Variants in DAGLB observed in about 807,000 individuals in gnomAD.
DAGLB encodes the protein diacylglycerol lipase-beta.
In DAGLB, 66 loss-of-function variants were observed where a neutral mutation model predicts 72.1. That is an observed-to-expected ratio of 0.92 (90% CI 0.75 to 1.12). The LOEUF is 1.12. DAGLB is among the 50% of genes most tolerant of loss of function. DAGLB has a pLI of 0.00. For missense variants in DAGLB, 1,065 were observed against 884.9 expected (o/e 1.20, Z -2.58); for synonymous variants, 414 against 359.5 (o/e 1.15, Z -1.71).
rs1783645839 is a variant in DAGLB at position 6,409,544 on chromosome 7, TCAGA to T, written c.*289_*292del. ...GATTCCCGCACTTCTGGAGCAGTCC[TCAGA>T]CAGCCAAGGGATCCATCCACGGGCC... On this transcript the variant is annotated 3_prime_UTR_variant, in exon 15 of 15. Transcript: ENST00000297056. 2.1e-6 allele frequency: 1 copy of T among 466,320 alleles called. No homozygotes were observed. Among genetic ancestry groups the T allele is most frequent in the East Asian group, 4.1e-5 (1 of 24,620 alleles). The allele number at this position is 466,320 out of a possible 1,614,324, so 28.9% of individuals were successfully genotyped here.
chr7:6,412,670 T>G, intron 13 of DAGLB, 141 bp downstream of exon 13: 1 of 943,058 alleles, frequency 1.1e-6, no homozygotes, highest in Admixed American at 2.2e-5. Context: ...TAGCCCAGAA[T>G]CTGATCAGAT....
Position 6,436,501 on chromosome 7 carries a change from T to C in DAGLB, c.280A>G (p.Met94Val), listed in dbSNP as rs367924632. 80 of 1,614,066 alleles carry C rather than the reference T, an allele frequency of 5.0e-5. No individual in the cohort carries two copies. Among genetic ancestry groups the C allele is most frequent in the Non-Finnish European group, 5.8e-5 (69 of 1,180,050 alleles). The change falls in exon 3 of 15, where the codon ATG becomes GTG. Residue 94 changes from methionine to valine, a missense_variant. Transcript: ENST00000297056. ...AGGCGGATGTAAAGCAGCTTAGACA[T>C]AGACTTCCGCGGTCCAGGGTTACAA... Reference protein sequence around the residue: ...TICNPGPRKSMSKLLYIRLAL... With the variant: ...TICNPGPRKSVSKLLYIRLAL...
intron 6 of DAGLB, among the ~76,000 whole-genome samples, chr7:6,428,761 A>T (rs1379383258): frequency 6.6e-6 from 1 of 152,144 alleles, no homozygotes; most frequent in Non-Finnish European, 1.5e-5. Flanking sequence ...TGCTGGGATT[A>T]TAGGCATGAG....
chr7:6,436,616 A>G lies in DAGLB; in HGVS notation c.248-83T>C, dbSNP rs2115285033. On this transcript the variant is annotated intron_variant, in intron 2 of 14. Coordinates refer to ENST00000297056, the MANE Select transcript of DAGLB (RefSeq NM_139179.4). ...CTTTTTGCAAAAATACAGCTTTTGC[A>G]GAGCATACATTTGTACTGTGCACAC... The G allele has an allele frequency of 1.9e-6, 3 of 1,580,418 alleles. No homozygotes were observed. In the South Asian group the frequency reaches 3.4e-5, roughly 18 times the overall value.
At chr7:6,433,765 G>A (rs1784565449) in intron 4 of DAGLB, among the ~76,000 whole-genome samples, 1 of 151,618 alleles carries the variant, frequency 6.6e-6, no homozygotes, top group Non-Finnish European at 1.5e-5. Context: ...GCTGAGGCAG[G>A]AGAATCTCTC....
At chr7:6,439,328 G>C (rs1430392408) in intron 2 of DAGLB, among the ~76,000 whole-genome samples, 1 of 151,804 alleles carries the variant, frequency 6.6e-6, no homozygotes, top group African/African-American at 2.4e-5. Flanking sequence ...ACAGATGCTA[G>C]TATGGACCTG....
chr7:6,413,059 T>A (rs1251464974), intron 11 of DAGLB, 25 bp from the exon 12 acceptor site: 2 of 1,608,612 alleles, frequency 1.2e-6, no homozygotes, highest in Admixed American at 1.7e-5. Flanking sequence ...AGAGAGAGGA[T>A]GTTAGCTTTA....
In DAGLB at chr7:6,434,777, G is replaced by C. The variant is rs757204352; in HGVS notation, c.663C>G (p.Phe221Leu). 63 of 1,614,162 alleles carry C rather than the reference G, an allele frequency of 3.9e-5. No individual in the cohort carries two copies. The Middle Eastern group carries it at 8.2e-4, about 21-fold the overall frequency. Residue 221 changes from phenylalanine to leucine, a missense_variant, in exon 4 of 15, where the codon TTC becomes TTG. Phe to Leu is a conservative substitution (Grantham distance 22). Coordinates refer to ENST00000297056, the MANE Select transcript of DAGLB (RefSeq NM_139179.4). ...RVAFSSTAELFSTYFSDTDLV... is the reference protein window; with the variant it reads ...RVAFSSTAELLSTYFSDTDLV... ...CTCGGCTTACTGAAAAGTAGGTTGA[G>C]AAAAGCTCTGCCGTACTCGAAAAAG...
chr7:6,441,376 C>T (rs1784826895), intron 2 of DAGLB, among the ~76,000 whole-genome samples: 1 of 151,356 alleles, frequency 6.6e-6, no homozygotes, highest in African/African-American at 2.4e-5. Flanking sequence ...CAGGCGTGAG[C>T]CACCGCGCCC....
intron 6 of DAGLB, among the ~76,000 whole-genome samples, chr7:6,428,557 A>C (rs1397451329): frequency 6.7e-6 from 1 of 149,372 alleles, no homozygotes; most frequent in Non-Finnish European, 1.5e-5. Context: ...TGTGATCTCC[A>C]CTCACTGCAA....
chr7:6,447,433 T>C (rs1029166652), intron 1 of DAGLB, among the ~76,000 whole-genome samples: 2 of 152,170 alleles, frequency 1.3e-5, no homozygotes, highest in Non-Finnish European at 2.9e-5. Flanking sequence ...AACACCCTCG[T>C]GGCACCCCAG....
Position 6,436,354 on chromosome 7 carries a change from G to C in DAGLB, c.419+8C>G. 1 of 1,601,380 alleles carries C rather than the reference G, an allele frequency of 6.2e-7. No individual in the cohort carries two copies. Among genetic ancestry groups the C allele is most frequent in the African/African-American group, 1.3e-5 (1 of 74,208 alleles). ...ACTGAAACTCAAAGAGAAGAAGGGA[G>C]ATGTCACCTGACCACGACGGTTGCG... On this transcript the variant is annotated splice_region_variant and intron_variant, in intron 3 of 14. Transcript: ENST00000297056.
Position 6,436,563 on chromosome 7 carries a change from A to G in DAGLB, c.248-30T>C, listed in dbSNP as rs780108970. On this transcript the variant is annotated intron_variant, in intron 2 of 14. Transcript: ENST00000297056. ...AATACAAAAAACGTTCCGACTGCTC[A>G]GTTGCTTCCTCAGAGATGAAGAGCT... The G allele has an allele frequency of 6.2e-6, 10 of 1,613,268 alleles. No homozygotes were observed. In the South Asian group the frequency reaches 6.6e-5, roughly 11 times the overall value.
At chr7:6,445,256 T>C (rs1412102908) in intron 2 of DAGLB, among the ~76,000 whole-genome samples, 1 of 152,136 alleles carries the variant, frequency 6.6e-6, no homozygotes, top group Non-Finnish European at 1.5e-5. Flanking sequence ...AAGGGATAAA[T>C]AAAATGTGGT....
chr7:6,422,183 G>A (rs1325896173), intron 8 of DAGLB: 2 of 360,978 alleles, frequency 5.5e-6, no homozygotes, highest in East Asian at 7.2e-5. Flanking sequence ...TGGAGAGGAG[G>A]AGGCCTAGAC....
At chr7:6,447,202 G>C (rs1175261047) in intron 1 of DAGLB, among the ~76,000 whole-genome samples, 5 of 152,272 alleles carry the variant, frequency 3.3e-5, no homozygotes, top group Middle Eastern at 6.8e-3. Flanking sequence ...ACAGACTTCA[G>C]GTACCAATGC....
Position 6,410,261 on chromosome 7 carries a change from C to T in DAGLB, c.1689G>A (p.Gln563=), listed in dbSNP as rs1165776577. Residue 563 remains glutamine (Q), a synonymous_variant, in exon 14 of 15, where the codon CAG becomes CAA. Transcript: ENST00000297056. ...CCGGGGACCAGCGCGTCAGTAGGCT[C>T]TGCTCCCCCAGAAGAGGCTGTGTCA... ...EVLTQPLLGE[Q]SLLTRWSPAY... is the part of the protein sequence containing the mutation. 1 of 1,613,624 alleles carries T rather than the reference C, an allele frequency of 6.2e-7. No individual in the cohort carries two copies. Among genetic ancestry groups the T allele is most frequent in the Non-Finnish European group, 8.5e-7 (1 of 1,179,806 alleles).
rs1308121983 is a variant in DAGLB at position 6,430,604 on chromosome 7, C to T, written c.805G>A (p.Ala269Thr). The T allele has an allele frequency of 6.3e-7, 1 of 1,591,804 alleles. No homozygotes were observed. The highest frequency in any genetic ancestry group is 8.6e-7 in the Non-Finnish European group (1 of 1,165,848). Residue 269 changes from alanine to threonine, a missense_variant, in exon 6 of 15, where the codon GCT (alanine) becomes ACT (threonine). Ala to Thr is a moderately conservative substitution (Grantham distance 58). Coordinates refer to ENST00000297056, the MANE Select transcript of DAGLB (RefSeq NM_139179.4). The part of the protein sequence containing the change: ...VCHAPGSSQE[A>T]DLDAELENCH... The stretch of plus-strand genomic sequence containing the variant: ...TTTTCTAATTCTGCATCCAGATCAG[C>T]TTCCTACAAGAGAAGGACAAAAACT...
rs907103721 is a variant in DAGLB at position 6,436,431 on chromosome 7, G to A, written c.350C>T (p.Ala117Val). The A allele has an allele frequency of 1.9e-6, 3 of 1,614,068 alleles. No individual in the cohort carries two copies. The highest frequency in any genetic ancestry group is 2.5e-6 in the Non-Finnish European group (3 of 1,180,020). Residue 117 changes from alanine to valine, a missense_variant, in exon 3 of 15, where the codon GCC becomes GTC. By Grantham distance (64) the Ala-to-Val change is moderately conservative (BLOSUM62 0). Transcript: ENST00000297056. ...GCACTGAACACCATCTGCCACCCAG[G>A]CAGCCCCCAGAGAGGCCCAGACCAT... is the stretch of plus-strand genomic sequence containing the variant. The part of the protein sequence containing the change: ...PEMVWASLGA[A>V]WVADGVQCDR...
Sources: gnomAD v4.1 joint callset for allele counts (sites outside exome capture counted in the v4.1 genomes callset) on GRCh38, gnomAD v4.1.1 for gene constraint, MANE v1.5 for transcripts, NCBI Gene and HGNC (gene_info 2026-07-23, HGNC 2026-07-21) for gene names.